Variants in FADS2 observed in about 807,000 individuals in gnomAD.
FADS2 encodes the protein fatty acid desaturase 2.
In FADS2, 18 loss-of-function variants were observed where a neutral mutation model predicts 61.2. The ratio of observed to expected loss-of-function variants is 0.29; its 90% CI spans 0.20 to 0.44. The LOEUF is 0.44. Among genes scored for constraint, FADS2 ranks in the 20% least tolerant of loss-of-function variants. The pLI is 1.00. For missense variants in FADS2, 322 were observed against 572.7 expected (o/e 0.56, Z 4.47); for synonymous variants, 203 against 223.9 (o/e 0.91, Z 0.83).
chr11:61,830,358 A>G (rs926704548), intron 1 of FADS2, among the ~76,000 whole-genome samples: 2 of 152,208 alleles, frequency 1.3e-5, no homozygotes, highest in Middle Eastern at 3.2e-3. Context: ...TAGTCTGGCA[A>G]TTGCCTTGAC....
intron 7 of FADS2, among the ~76,000 whole-genome samples, chr11:61,858,148 T>C (rs1206246383): frequency 1.3e-5 from 2 of 152,240 alleles, no homozygotes; most frequent in South Asian, 2.1e-4. Context: ...TTTGTATCTG[T>C]ATCTGTGTCC....
intron 7 of FADS2, among the ~76,000 whole-genome samples, chr11:61,861,217 G>A (rs964595802): frequency 6.6e-6 from 1 of 151,376 alleles, no homozygotes; most frequent in Non-Finnish European, 1.5e-5. Context: ...ATCCGGGCGT[G>A]GTGGCGGGCA....
In FADS2 at chr11:61,816,266, G is replaced by A. The variant is rs1233322605; in HGVS notation, c.-20G>A. 1 of 1,598,044 alleles carries A rather than the reference G, an allele frequency of 6.3e-7. No homozygotes were observed. The highest frequency in any genetic ancestry group is 1.3e-5 in the African/African-American group (1 of 74,888). ...GTTCTGTCCCCGCCCAGAGACCTGA[G>A]GCTCGGGGCTGCAGATGGAATGCAC... On this transcript the variant is annotated 5_prime_UTR_variant, in exon 1 of 12. Coordinates refer to the FADS2 transcript ENST00000257261. The surrounding 1 kb of genome is among the most constrained non-coding windows in gnomAD (Gnocchi z 7.0).
Position 61,865,967 on chromosome 11 carries a change from C to T in FADS2, c.*278C>T, listed in dbSNP as rs1222208857. ...TTCTTCCAAGGAGCAGAGAGGTGGC[C>T]ACCGGGGGTGGCTCTGTCCTACCTC... On this transcript the variant is annotated 3_prime_UTR_variant, in exon 12 of 12. Transcript: ENST00000278840. The surrounding 1 kb of genome is among the most constrained non-coding windows in gnomAD (Gnocchi z 4.1). 5.9e-6 allele frequency: 3 copies of T among 509,362 alleles called. No individual in the cohort carries two copies. The highest frequency in any genetic ancestry group is 1.1e-5 in the Non-Finnish European group (3 of 285,558). The allele number at this position is 509,362 out of a possible 1,614,324, so 31.6% of individuals were successfully genotyped here. A position where few individuals can be genotyped will look rare whatever the true frequency, so the allele number is the denominator to read the frequency against.
At chr11:61,851,003 G>A (rs1286049528) in intron 5 of FADS2, among the ~76,000 whole-genome samples, 1 of 152,188 alleles carries the variant, frequency 6.6e-6, no homozygotes, top group East Asian at 1.9e-4. Flanking sequence ...CCAATTCGCA[G>A]GAAATCAGCC....
chr11:61,819,718 T>C (rs942381006), intron 1 of FADS2, among the ~76,000 whole-genome samples: 1 of 152,146 alleles, frequency 6.6e-6, no homozygotes, highest in Non-Finnish European at 1.5e-5. Flanking sequence ...TTTATGTAAA[T>C]CTTTTATTTT....
At position 61,840,417 on chromosome 11, in the gene FADS2, C is replaced by T. The variant is rs1292778120; in HGVS notation, c.402C>T (p.Leu134=). 1.2e-6 allele frequency: 2 copies of T among 1,614,098 alleles called. No individual in the cohort carries two copies. Among genetic ancestry groups the T allele is most frequent in the South Asian group, 1.1e-5 (1 of 91,088 alleles). ...NLFKTNHVFF[L]LLLAHIIALE... Reference sequence around the variant, plus strand: ...TCAAGACCAACCACGTGTTCTTCCTCCTCCTCCTGGCCCACATCATCGCCC... The same window carrying T: ...TCAAGACCAACCACGTGTTCTTCCTTCTCCTCCTGGCCCACATCATCGCCC... The change falls in exon 3 of 12, where the codon CTC becomes CTT. Residue 134 remains leucine (L), a synonymous_variant. Coordinates refer to ENST00000278840, the MANE Select transcript of FADS2 (RefSeq NM_004265.4).
intron 1 of FADS2, among the ~76,000 whole-genome samples, chr11:61,831,896 G>A (rs1258256234): frequency 3.9e-5 from 6 of 152,084 alleles, no homozygotes; most frequent in South Asian, 2.1e-4. Flanking sequence ...CCTCACCCGC[G>A]CCCTAAGAGC....
At chr11:61,829,392 T>TA (rs1447438386) in intron 1 of FADS2, 1 of 152,242 alleles carries the variant, frequency 6.6e-6, no homozygotes, top group Non-Finnish European at 1.5e-5. Context: ...TCTCTCTTTT[T>TA]AAATCCTGCC....
At position 61,865,038 on chromosome 11, in the gene FADS2, C is replaced by A; in HGVS notation, c.1158-114C>A. Reference sequence around the variant, plus strand: ...AGCCACACTTTGAGACTGGTCCTGGCTGTGGACAGGGTCTCTGAGGGCCCC... The same window carrying A: ...AGCCACACTTTGAGACTGGTCCTGGATGTGGACAGGGTCTCTGAGGGCCCC... On this transcript the variant is annotated intron_variant, in intron 10 of 11. Transcript: ENST00000278840. This position sits in a 1 kb window ranked among gnomAD's most constrained non-coding sequence, Gnocchi z 4.1. The A allele has an allele frequency of 1.6e-6, 2 of 1,277,034 alleles. No homozygotes were observed. The highest frequency in any genetic ancestry group is 2.2e-6 in the Non-Finnish European group (2 of 917,666). The allele number at this position is 1,277,034 out of a possible 1,614,324, so 79.1% of individuals were successfully genotyped here. A position where few individuals can be genotyped will look rare whatever the true frequency, so the allele number is the denominator to read the frequency against.
At chr11:61,839,630 A>G (rs1420833966) in intron 2 of FADS2, among the ~76,000 whole-genome samples, 2 of 152,300 alleles carry the variant, frequency 1.3e-5, no homozygotes, top group South Asian at 2.1e-4. Context: ...GTGGTCAACC[A>G]TTTTGGTCAT....
At chr11:61,853,567 C>T (rs1179429399) in intron 5 of FADS2, among the ~76,000 whole-genome samples, 2 of 152,128 alleles carry the variant, frequency 1.3e-5, no homozygotes, top group East Asian at 1.9e-4. Flanking sequence ...AGAAGCCGTG[C>T]GGTGCCTGAG....
chr11:61,828,344 G>C lies in FADS2; in HGVS notation c.-47G>C. 6.5e-7 allele frequency: 1 copy of C among 1,542,570 alleles called. No individual in the cohort carries two copies. The highest frequency in any genetic ancestry group is 8.7e-7 in the Non-Finnish European group (1 of 1,143,814). The stretch of plus-strand genomic sequence containing the variant: ...GCAGCCGTCTGTGCAGCGAGCAGCC[G>C]GCGCGGGGAGGCCGCAGTGCACGGG... On this transcript the variant is annotated 5_prime_UTR_variant, in exon 1 of 12. Transcript: ENST00000278840. This position sits in a 1 kb window ranked among gnomAD's most constrained non-coding sequence, Gnocchi z 6.4.
At chr11:61,828,276 G>A (rs757616072), upstream of FADS2, 16 of 1,459,912 alleles carry the variant, frequency 1.1e-5, no homozygotes, top group African/African-American at 1.4e-5. This position sits in a 1 kb window ranked among gnomAD's most constrained non-coding sequence, Gnocchi z 6.4. Context: ...GAAGACAAAA[G>A]CCGAAAGCGA....
chr11:61,842,514 T>G (rs1307775745), intron 4 of FADS2, among the ~76,000 whole-genome samples: 2 of 152,246 alleles, frequency 1.3e-5, no homozygotes, highest in African/African-American at 4.8e-5. Flanking sequence ...CCTGTCCAAT[T>G]GCCCTCAGTC....
chr11:61,837,093 G>A (rs1394510857), intron 1 of FADS2, among the ~76,000 whole-genome samples: 3 of 152,026 alleles, frequency 2.0e-5, no homozygotes, highest in Non-Finnish European at 2.9e-5. Context: ...AACTCAGCAC[G>A]TTTTTACTTT....
intron 5 of FADS2, chr11:61,855,953 T>C (rs2067354369): frequency 6.6e-6 from 1 of 152,362 alleles, no homozygotes; most frequent in African/African-American, 2.4e-5. Context: ...CATGTTCTCA[T>C]TGGCTCCTCT....
chr11:61,855,230 A>C (rs1030298453), intron 5 of FADS2: 76 of 152,504 alleles, frequency 5.0e-4, no homozygotes, highest in African/African-American at 1.7e-3. Flanking sequence ...GAGGGATGGG[A>C]TGCTCTGTGG....
chr11:61,826,262 CAT>C (rs748228815), upstream of FADS2: 9 of 702,438 alleles, frequency 1.3e-5, no homozygotes, highest in Non-Finnish European at 2.1e-5. Flanking sequence ...GTCTTCAACA[CAT>C]GTTTTTATGT....
Sources: gnomAD v4.1 joint callset for allele counts (sites outside exome capture counted in the v4.1 genomes callset) on GRCh38, gnomAD v4.1.1 for gene constraint, Gnocchi (gnomAD v3.1) non-coding constraint, MANE v1.5 for transcripts, NCBI Gene and HGNC (gene_info 2026-07-23, HGNC 2026-07-21) for gene names.